The following CADM2 variants were observed in gnomAD, a reference collection of about 807,000 sequenced individuals.
The protein encoded by CADM2 is cell adhesion molecule 2, also known as immunoglobulin superfamily member 4D.
A neutral mutation model predicts 49.8 loss-of-function variants in CADM2; 12 were observed. The ratio of observed to expected loss-of-function variants is 0.24; its 90% confidence interval spans 0.15 to 0.39. CADM2 has a LOEUF of 0.39. Among genes scored for constraint, CADM2 ranks in the 10% least tolerant of loss-of-function variants. The probability of loss-of-function intolerance (pLI) is 1.00; values close to 1 mark genes in which losing one functional copy is unlikely to be tolerated. For synonymous variants in CADM2, 214 were observed against 175.4 expected (o/e 1.22, Z -1.74); for missense variants, 378 against 492.3 (o/e 0.77, Z 2.20).
intron 1 of CADM2, among the ~76,000 whole-genome samples, chr3:85,199,329 CTCTT>C (rs2041424282): frequency 8.4e-6 from 1 of 119,382 alleles, no homozygotes; most frequent in Non-Finnish European, 1.8e-5. Context: ...TGATGTAACT[CTCTT>C]TGTGTGTGTG....
chr3:85,521,951 G>A (rs917112847), intron 1 of CADM2, among the ~76,000 whole-genome samples: 2 of 152,198 alleles, frequency 1.3e-5, no homozygotes, highest in African/African-American at 2.4e-5. Flanking sequence ...AGTACCAGTC[G>A]CTTTTCTGGG....
intron 1 of CADM2, among the ~76,000 whole-genome samples, chr3:85,117,472 G>A (rs1309214649): frequency 6.6e-6 from 1 of 152,078 alleles, no homozygotes; most frequent in Non-Finnish European, 1.5e-5. Context: ...AATGTCATGA[G>A]CCATCAATTA....
chr3:85,703,530 G>A (rs915177751), intron 1 of CADM2, among the ~76,000 whole-genome samples: 2 of 152,046 alleles, frequency 1.3e-5, no homozygotes, highest in Non-Finnish European at 2.9e-5. Context: ...GATCATAACC[G>A]TAGAGTGGGG....
chr3:84,976,912 T>TAAA (rs2031856661), intron 1 of CADM2, among the ~76,000 whole-genome samples: 3 of 152,012 alleles, frequency 2.0e-5, no homozygotes, highest in Non-Finnish European at 4.4e-5. Context: ...TCATCATAGA[T>TAAA]TTATATCTCA....
chr3:85,493,887 A>T (rs1044273819), intron 1 of CADM2, among the ~76,000 whole-genome samples: 3 of 152,094 alleles, frequency 2.0e-5, no homozygotes, highest in Admixed American at 6.6e-5. Context: ...ATAGAATGTA[A>T]TTTTTTATTT....
At chr3:85,151,076 G>C (rs759100826) in intron 1 of CADM2, among the ~76,000 whole-genome samples, 71 of 151,994 alleles carry the variant, frequency 4.7e-4, no homozygotes, top group Non-Finnish European at 8.4e-4. Context: ...AATGGTAGAT[G>C]GGGACACAGG....
At chr3:85,728,505 C>T (rs2067798217) in intron 2 of CADM2, among the ~76,000 whole-genome samples, 1 of 151,412 alleles carries the variant, frequency 6.6e-6, no homozygotes, top group Admixed American at 6.6e-5. Flanking sequence ...ATTTTTTGGT[C>T]CAATTTCTAT....
chr3:85,006,716 T>C (rs1470219756), intron 1 of CADM2, among the ~76,000 whole-genome samples: 1 of 152,162 alleles, frequency 6.6e-6, no homozygotes, highest in Admixed American at 6.5e-5. Flanking sequence ...TAATCTCATT[T>C]TCACCACTAT....
chr3:85,996,260 C>A (rs1411204502), intron 8 of CADM2, among the ~76,000 whole-genome samples: 1 of 149,876 alleles, frequency 6.7e-6, no homozygotes, highest in African/African-American at 2.4e-5. Flanking sequence ...AAAGGCCTTG[C>A]CAAGTTAAAA....
intron 2 of CADM2, chr3:85,800,428 G>A (rs1181145422): frequency 1.3e-5 from 2 of 152,238 alleles, no homozygotes; most frequent in East Asian, 3.8e-4. Flanking sequence ...GCACTACTGG[G>A]ATACCAAAAA....
At chr3:85,705,776 C>T (rs1439207100) in intron 1 of CADM2, among the ~76,000 whole-genome samples, 2 of 152,064 alleles carry the variant, frequency 1.3e-5, no homozygotes, top group Non-Finnish European at 2.9e-5. Flanking sequence ...TTCAAAAGGC[C>T]TAAGAAAAAA....
At chr3:85,998,351 TG>T (rs1277724960) in intron 8 of CADM2, among the ~76,000 whole-genome samples, 1 of 152,212 alleles carries the variant, frequency 6.6e-6, no homozygotes, top group African/African-American at 2.4e-5. Context: ...TTGTCCTCTC[TG>T]GAAACCTCAG....
chr3:85,946,539 G>A (rs754586252), intron 7 of CADM2, among the ~76,000 whole-genome samples: 5 of 152,036 alleles, frequency 3.3e-5, no homozygotes, highest in Admixed American at 6.6e-5. Flanking sequence ...CAAAGCTACA[G>A]TAACCAAAAC....
At chr3:85,425,851 G>A (rs2036378001) in intron 1 of CADM2, among the ~76,000 whole-genome samples, 1 of 152,174 alleles carries the variant, frequency 6.6e-6, no homozygotes, top group Admixed American at 6.5e-5. Context: ...CATATTTATT[G>A]GTAATCCAAC....
chr3:85,661,740 A>G (rs1439305396), intron 1 of CADM2, among the ~76,000 whole-genome samples: 3 of 152,086 alleles, frequency 2.0e-5, no homozygotes, highest in Admixed American at 2.0e-4. Flanking sequence ...ATTTTAATGA[A>G]GAAAATCTCA....
chr3:85,109,116 T>C (rs547558745), intron 1 of CADM2, among the ~76,000 whole-genome samples: 8 of 152,142 alleles, frequency 5.3e-5, no homozygotes, highest in African/African-American at 1.9e-4. Context: ...TCAAGGAAGA[T>C]GTGGGAGGAG....
intron 3 of CADM2, among the ~76,000 whole-genome samples, chr3:85,804,692 A>G (rs910528278): frequency 1.3e-5 from 2 of 152,186 alleles, no homozygotes; most frequent in Non-Finnish European, 1.5e-5. Context: ...AAAAACATCT[A>G]AAACTAGAAA....
intron 1 of CADM2, among the ~76,000 whole-genome samples, chr3:85,601,093 A>G (rs2063378984): frequency 6.9e-6 from 1 of 144,508 alleles, no homozygotes; most frequent in African/African-American, 2.5e-5. Context: ...TGTTAAGTGC[A>G]AAAAGTAATT....
At chr3:85,812,315 A>G (rs1166850162) in intron 3 of CADM2, among the ~76,000 whole-genome samples, 1 of 152,082 alleles carries the variant, frequency 6.6e-6, no homozygotes, top group African/African-American at 2.4e-5. Flanking sequence ...AATATTCATG[A>G]CTGAAAACAG....
Sources: gnomAD v4.1 joint callset for allele counts (sites outside exome capture counted in the v4.1 genomes callset) on GRCh38, gnomAD v4.1.1 for gene constraint, MANE v1.5 for transcripts, NCBI Gene and HGNC (gene_info 2026-07-23, HGNC 2026-07-21) for gene names.